The following DOCK2 variants were observed in gnomAD, a reference collection of about 807,000 sequenced individuals.
DOCK2 encodes the protein dedicator of cytokinesis 2.
A neutral mutation model predicts 248.9 loss-of-function variants in DOCK2; 87 were observed. The observed-to-expected ratio is 0.35, with a 90% CI of 0.29 to 0.42. The LOEUF (loss-of-function observed/expected upper bound fraction) is 0.42. Among genes scored for constraint, DOCK2 ranks in the 10% least tolerant of loss-of-function variants. DOCK2 has a pLI of 1.00. For missense variants in DOCK2, 1,747 were observed against 2,300.2 expected (o/e 0.76, Z 4.92); for synonymous variants, 805 against 821.6 (o/e 0.98, Z 0.35).
At chr5:169,655,848 T>G (rs1167542491) in intron 2 of DOCK2, among the ~76,000 whole-genome samples, 1 of 152,176 alleles carries the variant, frequency 6.6e-6, no homozygotes, top group Non-Finnish European at 1.5e-5. Context: ...AAAGGGGTCA[T>G]GGGGGAAATG....
intron 50 of DOCK2, chr5:170,080,524 C>T: frequency 3.8e-6 from 2 of 522,774 alleles, no homozygotes; most frequent in South Asian, 5.9e-5. Flanking sequence ...TCCCTTGGGC[C>T]CTCAGGATTC....
intron 22 of DOCK2, among the ~76,000 whole-genome samples, chr5:169,736,435 C>G (rs964567110): frequency 6.6e-6 from 1 of 152,188 alleles, no homozygotes; most frequent in African/African-American, 2.4e-5. Flanking sequence ...TAGTGCCTCT[C>G]CATTGCAGTA....
chr5:170,035,117 C>A (rs1756277741), intron 35 of DOCK2, among the ~76,000 whole-genome samples: 1 of 152,150 alleles, frequency 6.6e-6, no homozygotes, highest in Non-Finnish European at 1.5e-5. Context: ...AACCCCAGAC[C>A]CAAGTTCTTA....
chr5:169,899,913 G>A (rs261058), intron 27 of DOCK2, among the ~76,000 whole-genome samples: 37,694 of 152,128 alleles, frequency 0.25, 7,608 homozygotes, highest in African/African-American at 0.56. Flanking sequence ...CCCTAATCAT[G>A]TATTACTTGA....
At chr5:169,651,466 G>C (rs1334698540) in intron 1 of DOCK2, among the ~76,000 whole-genome samples, 1 of 152,170 alleles carries the variant, frequency 6.6e-6, no homozygotes, top group Non-Finnish European at 1.5e-5. Flanking sequence ...AAGCAGGGAG[G>C]AGCTGGTCAC....
intron 22 of DOCK2, among the ~76,000 whole-genome samples, chr5:169,736,900 T>A (rs1763067899): frequency 6.6e-6 from 1 of 152,194 alleles, no homozygotes; most frequent in Non-Finnish European, 1.5e-5. Flanking sequence ...TAATCACATG[T>A]TTATCCAACA....
intron 26 of DOCK2, among the ~76,000 whole-genome samples, chr5:169,837,482 G>A (rs1769659460): frequency 6.6e-6 from 1 of 152,108 alleles, no homozygotes; most frequent in Non-Finnish European, 1.5e-5. Context: ...GCCTTGTACT[G>A]CACTTTCTGC....
At chr5:169,867,982 C>T (rs922510459) in intron 27 of DOCK2, among the ~76,000 whole-genome samples, 3 of 152,238 alleles carry the variant, frequency 2.0e-5, no homozygotes, top group Non-Finnish European at 4.4e-5. Context: ...CATCTATATT[C>T]ACAATGCTCC....
intron 27 of DOCK2, among the ~76,000 whole-genome samples, chr5:169,887,383 C>A (rs1773032966): frequency 6.6e-6 from 1 of 151,994 alleles, no homozygotes; most frequent in South Asian, 2.1e-4. Flanking sequence ...AAAAAATCAC[C>A]TGAAATCTTA....
chr5:169,970,078 C>A (rs187756413), intron 27 of DOCK2, among the ~76,000 whole-genome samples: 1 of 152,274 alleles, frequency 6.6e-6, no homozygotes, highest in African/African-American at 2.4e-5. Context: ...CATGTCCCAC[C>A]CTGTTACTGC....
intron 27 of DOCK2, among the ~76,000 whole-genome samples, chr5:169,858,245 T>A (rs1007870675): frequency 2.6e-5 from 4 of 152,138 alleles, no homozygotes; most frequent in Admixed American, 2.6e-4. Context: ...ATGACGCAGA[T>A]ATATGTACAA....
At chr5:169,989,237 A>G (rs948709091) in intron 29 of DOCK2, among the ~76,000 whole-genome samples, 1 of 152,166 alleles carries the variant, frequency 6.6e-6, no homozygotes, top group African/African-American at 2.4e-5. Flanking sequence ...TTCCTGTTAG[A>G]GTGTTTTTCT....
intron 27 of DOCK2, among the ~76,000 whole-genome samples, chr5:169,940,743 T>C (rs1365105961): frequency 6.6e-6 from 1 of 152,188 alleles, no homozygotes; most frequent in African/African-American, 2.4e-5. Context: ...CAGGCAGTAA[T>C]GTGAGTGATG....
At chr5:169,744,589 T>C (rs1763500926) in intron 22 of DOCK2, among the ~76,000 whole-genome samples, 1 of 148,552 alleles carries the variant, frequency 6.7e-6, no homozygotes, top group African/African-American at 2.6e-5. Context: ...TTAAAGATAT[T>C]TGTGCAGCTC....
In DOCK2 at chr5:169,800,194, A is replaced by C. The variant is rs1010217566; in HGVS notation, c.2555-2864A>C. Among the ~76,000 whole-genome samples the C allele has an allele frequency of 7.9e-5, 12 of 152,354 alleles. No homozygotes were observed. The East Asian group carries it at 2.3e-3, about 29-fold the overall frequency. On this transcript the variant is annotated intron_variant, in intron 25 of 51. Transcript: ENST00000520908. Reference sequence around the variant, plus strand: ...CTACAATTTTAAGCAAAGCAGAATCAAAATTTTTGTCATCTATAATTTTCT... The same window carrying C: ...CTACAATTTTAAGCAAAGCAGAATCCAAATTTTTGTCATCTATAATTTTCT...
At chr5:169,714,311 G>A in intron 18 of DOCK2, 49 bp from the exon 19 acceptor site, 1 of 1,613,362 alleles carries the variant, frequency 6.2e-7, no homozygotes, top group Non-Finnish European at 8.5e-7. Context: ...TCCTGATATG[G>A]ACAGTTAGGC....
chr5:169,688,535 C>T (rs1430008216), intron 8 of DOCK2, among the ~76,000 whole-genome samples: 4 of 152,136 alleles, frequency 2.6e-5, no homozygotes, highest in African/African-American at 9.7e-5. Context: ...TATATATCTA[C>T]CAGTTGAGCA....
chr5:169,965,166 C>T (rs1241171178), intron 27 of DOCK2, among the ~76,000 whole-genome samples: 2 of 152,336 alleles, frequency 1.3e-5, no homozygotes, highest in African/African-American at 2.4e-5. Flanking sequence ...AGAAGGCTTA[C>T]AAAAGATACA....
chr5:169,806,007 G>A (rs1403300627), intron 26 of DOCK2, among the ~76,000 whole-genome samples: 1 of 152,098 alleles, frequency 6.6e-6, no homozygotes, highest in African/African-American at 2.4e-5. Flanking sequence ...TGCTTTTGGT[G>A]AGCTTCACAT....
Sources: allele counts gnomAD v4.1 joint callset (sites outside exome capture counted in the v4.1 genomes callset), GRCh38; gene constraint gnomAD v4.1.1; transcripts MANE v1.5; gene names NCBI Gene and HGNC (gene_info 2026-07-23, HGNC 2026-07-21).